The following MDN1 variants were observed in gnomAD, a reference collection of about 807,000 sequenced individuals.
MDN1 encodes midasin AAA ATPase 1, also known as midasin.
In MDN1, 266 loss-of-function variants were observed where a neutral mutation model predicts 669.2. The ratio of observed to expected loss-of-function variants is 0.40; its 90% CI spans 0.36 to 0.44. The LOEUF (loss-of-function observed/expected upper bound fraction) is 0.44, where lower values mean the gene tolerates loss of function less well. Ranked by LOEUF, MDN1 falls within the 20% of genes least tolerant of loss-of-function variation. The pLI, the probability that MDN1 is intolerant of heterozygous loss-of-function variation, is 1.00. For missense variants in MDN1, 5,940 were observed against 6,754.0 expected (o/e 0.88, Z 4.22); for synonymous variants, 2,385 against 2,457.1 (o/e 0.97, Z 0.87).
intron 84 of MDN1, 78 bp downstream of exon 84, chr6:89,667,936 C>T (rs548594305): frequency 1.3e-6 from 2 of 1,556,362 alleles, no homozygotes; most frequent in African/African-American, 1.4e-5. Context: ...CTAGTAAAAA[C>T]CATTTTTATG....
At chr6:89,700,040 A>C (rs1461191948) in intron 57 of MDN1, 23 bp downstream of exon 57, 4 of 1,607,256 alleles carry the variant, frequency 2.5e-6, no homozygotes, top group Non-Finnish European at 2.6e-6. Flanking sequence ...CCCGCAAGGA[A>C]AACAACTGAA....
chr6:89,807,201 C>T (rs1034699818), intron 1 of MDN1, among the ~76,000 whole-genome samples: 3 of 152,132 alleles, frequency 2.0e-5, no homozygotes, highest in Non-Finnish European at 4.4e-5. Context: ...ATCCTCCTGC[C>T]TCATCCTGCC....
intron 23 of MDN1, 147 bp downstream of exon 23, chr6:89,751,284 A>G: frequency 1.0e-6 from 1 of 999,388 alleles, no homozygotes; most frequent in Non-Finnish European, 1.4e-6. Flanking sequence ...ACCAGGAAAA[A>G]GTTATAGTAC....
chr6:89,723,392 GAATTCAAAGT>G, intron 39 of MDN1, 110 bp downstream of exon 39: 5 of 721,268 alleles, frequency 6.9e-6, no homozygotes, highest in Non-Finnish European at 1.1e-5. Context: ...GAAACCTGTA[GAATTCAAAGT>G]AATTTTTTTT....
chr6:89,654,226 T>C lies in MDN1; in HGVS notation c.15599A>G (p.Lys5200Arg), dbSNP rs114415446. The C allele has an allele frequency of 1.2e-6, 2 of 1,614,222 alleles. No homozygotes were observed. Among genetic ancestry groups the C allele is most frequent in the African/African-American group, 2.7e-5 (2 of 75,056 alleles). ...CTTCAGCTGCTCCACGTCTGCTGCT[T>C]TGAACTCCTCCTGCTCCTCTGTGTC... ...LMDTEEQEEF[K>R]AADVEQLKPE... The change falls in exon 93 of 102, where the codon AAA becomes AGA. Residue 5200 changes from lysine to arginine, a missense_variant. By Grantham distance (26) the Lys-to-Arg change is conservative (BLOSUM62 2). Coordinates refer to ENST00000369393, the MANE Select transcript of MDN1 (RefSeq NM_014611.3).
chr6:89,652,539 A>G (rs537444939), intron 94 of MDN1, among the ~76,000 whole-genome samples: 1 of 152,292 alleles, frequency 6.6e-6, no homozygotes, highest in Admixed American at 6.5e-5. Flanking sequence ...AAACCCAAAC[A>G]CCCTTAAGTC....
Position 89,712,022 on chromosome 6 carries a change from G to A in MDN1, c.7651+14C>T, listed in dbSNP as rs1813968625. 1.9e-6 allele frequency: 3 copies of A among 1,599,570 alleles called. No homozygotes were observed. Among genetic ancestry groups the A allele is most frequent in the Non-Finnish European group, 2.6e-6 (3 of 1,169,226 alleles). On this transcript the variant is annotated intron_variant, in intron 49 of 101. Coordinates refer to ENST00000369393, the MANE Select transcript of MDN1 (RefSeq NM_014611.3). ...TAAATCACATCAGTGGACAAATTAAGCTGTTCTACTCACCAAGCCCCTGCG... is the reference window on the plus strand; with the variant it reads ...TAAATCACATCAGTGGACAAATTAAACTGTTCTACTCACCAAGCCCCTGCG...
At chr6:89,813,160 G>A (rs555716387) in intron 1 of MDN1, among the ~76,000 whole-genome samples, 6 of 152,206 alleles carry the variant, frequency 3.9e-5, no homozygotes, top group South Asian at 2.1e-4. Context: ...GGCTGGTCTC[G>A]AACTCCCAAC....
At chr6:89,810,981 T>A (rs563503004) in intron 1 of MDN1, among the ~76,000 whole-genome samples, 2 of 152,122 alleles carry the variant, frequency 1.3e-5, no homozygotes, top group African/African-American at 4.8e-5. Flanking sequence ...AGAGAAACAG[T>A]CATATTGATT....
At chr6:89,716,619 T>G (rs1219393548) in intron 44 of MDN1, 31 bp downstream of exon 44, 1 of 1,574,988 alleles carries the variant, frequency 6.3e-7, no homozygotes, top group Non-Finnish European at 8.6e-7. Flanking sequence ...AAATTTCAAG[T>G]TGGACCACTG....
intron 12 of MDN1, among the ~76,000 whole-genome samples, chr6:89,776,385 T>C (rs541376351): frequency 6.6e-5 from 10 of 152,266 alleles, no homozygotes; most frequent in Admixed American, 1.3e-4. Context: ...CACTTGAACC[T>C]AGGAGGCAGA....
At chr6:89,687,257 A>G in intron 68 of MDN1, 87 bp downstream of exon 68, 1 of 1,298,466 alleles carries the variant, frequency 7.7e-7, no homozygotes, top group South Asian at 1.3e-5. Context: ...TAGCTGTAAT[A>G]CTATATAAAT....
intron 1 of MDN1, among the ~76,000 whole-genome samples, chr6:89,804,485 G>T (rs145010646): frequency 1.3e-5 from 2 of 152,094 alleles, no homozygotes; most frequent in East Asian, 3.9e-4. Flanking sequence ...ATGTGCTGGG[G>T]TTTCAACAAT....
chr6:89,674,697 TAC>T (rs1251375860), intron 78 of MDN1, 108 bp from the exon 79 acceptor site: 1 of 1,418,220 alleles, frequency 7.1e-7, no homozygotes, highest in Non-Finnish European at 9.4e-7. Flanking sequence ...GGCTTTTTCA[TAC>T]AGTCAAGAAG....
chr6:89,759,268 A>G (rs1200691054), intron 17 of MDN1, among the ~76,000 whole-genome samples: 1 of 152,228 alleles, frequency 6.6e-6, no homozygotes, highest in Admixed American at 6.5e-5. Context: ...CCAAGTGACT[A>G]TTAAAACTCA....
chr6:89,700,673 C>T lies in MDN1; in HGVS notation c.8611G>A (p.Ala2871Thr), dbSNP rs762500253. ...LLQAWGLILRANILEDVSLDE... is the reference protein window; with the variant it reads ...LLQAWGLILRTNILEDVSLDE... The stretch of plus-strand genomic sequence containing the variant: ...AGGCTGACATCTTCCAAAATATTTG[C>T]TCTGAGGATCAGTCCCCAGGCTTGC... The change falls in exon 56 of 102, where the codon GCA becomes ACA. Residue 2871 changes from alanine to threonine, a missense_variant. This residue lies in a region of MDN1 where 2,292 missense variants were observed against 2,638.3 expected (regional missense o/e 0.87). Transcript: ENST00000369393. 2.5e-6 allele frequency: 4 copies of T among 1,614,222 alleles called. No homozygotes were observed. The highest frequency in any genetic ancestry group is 3.4e-6 in the Non-Finnish European group (4 of 1,180,032).
chr6:89,659,889 A>AT (rs1344678613), intron 88 of MDN1, among the ~76,000 whole-genome samples: 10 of 152,208 alleles, frequency 6.6e-5, no homozygotes, highest in Non-Finnish European at 1.5e-4. Context: ...CTTATTATTT[A>AT]TTTTTTTATT....
Position 89,693,125 on chromosome 6 carries a change from C to T in MDN1, c.9905G>A (p.Arg3302Gln), listed in dbSNP as rs114940987. The T allele has an allele frequency of 6.7e-4, 1,072 of 1,598,242 alleles. 2 individuals are homozygous for T. The highest frequency in any genetic ancestry group is 5.0e-3 in the Middle Eastern group (30 of 5,950). ...CAGGTGACAGGTTAAATTATCCAGC[C>T]GATCCATCCTTTGGCGAAGCAGCCT... ...HVRLLRQRMD[R>Q]LDNLTCHLLK... The change falls in exon 63 of 102, where the codon CGG (arginine) becomes CAG (glutamine). Residue 3302 changes from arginine (R) to glutamine (Q), a missense_variant. Arg to Gln is a conservative substitution (Grantham distance 43, BLOSUM62 1). Coordinates refer to ENST00000369393, the MANE Select transcript of MDN1 (RefSeq NM_014611.3).
In MDN1 at chr6:89,751,576, G is replaced by C. The variant is rs377039508; in HGVS notation, c.3082C>G (p.Pro1028Ala). 3 of 1,613,722 alleles carry C rather than the reference G, an allele frequency of 1.9e-6. No individual in the cohort carries two copies. The change falls in exon 23 of 102, where the codon CCA becomes GCA. Residue 1028 changes from proline to alanine, a missense_variant. Pro to Ala is a conservative substitution (Grantham distance 27, BLOSUM62 -1). This residue lies in a region of MDN1 where 1,203 missense variants were observed against 1,268.9 expected (regional missense o/e 0.95). Transcript: ENST00000369393. ...NVKSLLKQPI[P>A]EPKGGRLIQV... Reference sequence around the variant, plus strand: ...ATAAGCCGACCTCCTTTTGGCTCTGGAATAGGCTGAAAGACACAGAAGTTC... The same window carrying C: ...ATAAGCCGACCTCCTTTTGGCTCTGCAATAGGCTGAAAGACACAGAAGTTC...
Sources: gnomAD v4.1 joint callset for allele counts (sites outside exome capture counted in the v4.1 genomes callset) on GRCh38, gnomAD v4.1.1 for gene constraint, gnomAD v4.1.1 regional missense constraint, MANE v1.5 for transcripts, NCBI Gene and HGNC (gene_info 2026-07-23, HGNC 2026-07-21) for gene names.